Variants in ABCA7 observed in about 807,000 individuals in gnomAD.
The protein encoded by ABCA7 is ATP binding cassette subfamily A member 7, also known as phospholipid-transporting ATPase ABCA7.
Under a neutral mutation model 227.6 loss-of-function variants are expected in ABCA7, and 261 were observed. That is an observed-to-expected ratio of 1.15 (90% CI 1.04 to 1.27). ABCA7 has a LOEUF of 1.27. Ranked by LOEUF, ABCA7 falls within the 50% of genes most tolerant of loss-of-function variation. The pLI is 0.00. For missense variants in ABCA7, 3,331 were observed against 2,924.5 expected (o/e 1.14, Z -3.21); for synonymous variants, 1,488 against 1,279.7 (o/e 1.16, Z -3.47).
chr19:1,048,808 CAAAAAAA>C, intron 16 of ABCA7, 80 bp from the exon 17 acceptor site: 1 of 495,390 alleles, frequency 2.0e-6, no homozygotes, highest in East Asian at 4.0e-5. Context: ...GACTCCGTCT[CAAAAAAA>C]AAAAAAAACA....
At position 1,054,516 on chromosome 19, in the gene ABCA7, G is replaced by A. The variant is rs2042068843; in HGVS notation, c.3727-54G>A. The A allele has an allele frequency of 7.6e-6, 12 of 1,588,694 alleles. No homozygotes were observed. Among genetic ancestry groups the A allele is most frequent in the Non-Finnish European group, 8.6e-6 (10 of 1,165,338 alleles). On this transcript the variant is annotated intron_variant, in intron 27 of 46. Coordinates refer to ENST00000263094, the MANE Select transcript of ABCA7 (RefSeq NM_019112.4). This position sits in a 1 kb window ranked among gnomAD's most constrained non-coding sequence, Gnocchi z 4.8. ...TTGTAGAGCAGGAGCAGGGACAGGT[G>A]CAAGCAAGCCTGGAGGGTGGATGGA...
intron 45 of ABCA7, chr19:1,064,675 C>A: frequency 1.7e-6 from 1 of 574,478 alleles, no homozygotes; most frequent in South Asian, 2.6e-5. Context: ...GGGGTGATAG[C>A]TTCGAGAGCA....
chr19:1,042,970 C>G, intron 7 of ABCA7, 71 bp from the exon 8 acceptor site: 1 of 1,527,908 alleles, frequency 6.5e-7, no homozygotes. Flanking sequence ...CTGCCCCTGG[C>G]CCAGTGCCCT....
At position 1,042,778 on chromosome 19, in the gene ABCA7, G is replaced by A. The variant is rs2040189105; in HGVS notation, c.531G>A (p.Gln177=). 6.2e-7 allele frequency: 1 copy of A among 1,613,286 alleles called. No individual in the cohort carries two copies. The highest frequency in any genetic ancestry group is 8.5e-7 in the Non-Finnish European group (1 of 1,179,948). ...ESLGLALGQA[Q]EPLHSLLEAA... ...TGGGGTTGGCACTGGGCCAAGCCCA[G>A]GAGCCCTTGCACAGCTTGTTGGAGG... Residue 177 remains glutamine, a synonymous_variant, in exon 7 of 47, where the codon CAG becomes CAA. Coordinates refer to ENST00000263094, the MANE Select transcript of ABCA7 (RefSeq NM_019112.4).
rs146321866 is a variant in ABCA7, at chr19:1,051,167, C to T, written c.2697C>T (p.Asp899=). The T allele has an allele frequency of 2.5e-5, 41 of 1,611,190 alleles. 1 individual carries two copies. In the African/African-American group the frequency reaches 4.4e-4, roughly 17 times the overall value. ...GCACTGGCCGCAGGCTGACCGTGGACGAGCACGTCTGGTTCTATGGGCGGC... is the reference window on the plus strand; with the variant it reads ...GCACTGGCCGCAGGCTGACCGTGGATGAGCACGTCTGGTTCTATGGGCGGC... The part of the protein sequence containing the change: ...YNVLFDMLTV[D]EHVWFYGRLK... Residue 899 remains aspartate, a synonymous_variant, in exon 20 of 47, where the codon GAC becomes GAT. Coordinates refer to ENST00000263094, the MANE Select transcript of ABCA7 (RefSeq NM_019112.4).
intron 37 of ABCA7, 69 bp from the exon 38 acceptor site, chr19:1,058,549 G>T (rs2042438104): frequency 1.3e-6 from 2 of 1,594,222 alleles, no homozygotes; most frequent in South Asian, 1.1e-5. Context: ...AATCCAGAGT[G>T]ACATGGATGG....
chr19:1,049,191 C>A, intron 17 of ABCA7, 75 bp from the exon 18 acceptor site: 1 of 1,493,146 alleles, frequency 6.7e-7, no homozygotes. Flanking sequence ...CCGGATTCCA[C>A]AGCCCAGCTC....
In ABCA7 at chr19:1,058,771, T is replaced by C. The variant is rs747288329; in HGVS notation, c.5279+24T>C. The C allele has an allele frequency of 3.1e-6, 5 of 1,607,410 alleles. No individual in the cohort carries two copies. In the South Asian group the frequency reaches 5.5e-5, roughly 18 times the overall value. ...CAGTTAGTGAGGTCTATGGAGAGGGTGGCAGGGGCCAAGGACCTACTTTAA... is the reference window on the plus strand; with the variant it reads ...CAGTTAGTGAGGTCTATGGAGAGGGCGGCAGGGGCCAAGGACCTACTTTAA... On this transcript the variant is annotated intron_variant, in intron 38 of 46. Transcript: ENST00000263094.
rs1185268303 is a variant in ABCA7 at position 1,064,261 on chromosome 19, G to C, written c.6044+8G>C. On this transcript the variant is annotated splice_region_variant and intron_variant, in intron 45 of 46. Transcript: ENST00000263094. ...GCAACATCTCAAGGGCAGGTGAGCC[G>C]GCGCGGCCTCCAGGCAGGTGTGGGG... 12 of 1,551,988 alleles carry C rather than the reference G, an allele frequency of 7.7e-6. No individual in the cohort carries two copies. The highest frequency in any genetic ancestry group is 1.0e-5 in the Non-Finnish European group (12 of 1,149,448).
Position 1,052,137 on chromosome 19 carries a change from G to A in ABCA7, c.3147+11G>A, listed in dbSNP as rs759211033. The A allele has an allele frequency of 3.1e-6, 5 of 1,611,492 alleles. No homozygotes were observed. The highest frequency in any genetic ancestry group is 1.7e-6 in the Non-Finnish European group (2 of 1,179,472). ...ACCACCAATGAGAAGGTGGGGACCG[G>A]CCTTCTCCTGACCCCTGACCCCCGG... On this transcript the variant is annotated intron_variant, in intron 22 of 46. Coordinates refer to ENST00000263094, the MANE Select transcript of ABCA7 (RefSeq NM_019112.4).
Position 1,063,472 on chromosome 19 carries a change from C to T in ABCA7, c.5713-72C>T, listed in dbSNP as rs1238536478. 9.0e-6 allele frequency: 14 copies of T among 1,559,508 alleles called. No homozygotes were observed. In the Admixed American group the frequency reaches 1.4e-4, roughly 16 times the overall value. On this transcript the variant is annotated intron_variant, in intron 42 of 46. Coordinates refer to ENST00000263094, the MANE Select transcript of ABCA7 (RefSeq NM_019112.4). ...CCCCTGCTCCACACTCAATGCTGGC[C>T]CCGCCACACTGTGGCCCTGCCCCAT...
At chr19:1,061,560 A>C (rs2042656928) in intron 40 of ABCA7, among the ~76,000 whole-genome samples, 1 of 150,648 alleles carries the variant, frequency 6.6e-6, no homozygotes, top group Admixed American at 6.6e-5. Flanking sequence ...TTAGCTGGGC[A>C]TGGTGGCAGG....
chr19:1,054,191 A>G lies in ABCA7; in HGVS notation c.3578-2A>G, dbSNP rs376824416. 172 of 1,609,890 alleles carry G rather than the reference A, an allele frequency of 1.1e-4. No homozygotes were observed. Among genetic ancestry groups the G allele is most frequent in the Admixed American group, 1.5e-4 (9 of 59,762 alleles). On this transcript the variant is annotated splice_acceptor_variant, in intron 26 of 46. Transcript: ENST00000263094. LOFTEE classifies it high-confidence loss of function. The surrounding 1 kb of genome is among the most constrained non-coding windows in gnomAD (Gnocchi z 4.8). ...GAGCACTGACCCTCTCATCCCTCAC[A>G]GCTGGGTCAGCCCCAGAGACTGACC...
At chr19:1,061,909 TCAGGGTGGGG>T (rs761436641) in intron 41 of ABCA7, 21 bp downstream of exon 41, 3 of 1,555,024 alleles carry the variant, frequency 1.9e-6, no homozygotes, top group Non-Finnish European at 2.6e-6. Context: ...CCAGGTAGGG[TCAGGGTGGGG>T]CAGGGTTGGC....
chr19:1,047,882 G>C (rs1427043222), intron 16 of ABCA7, among the ~76,000 whole-genome samples: 1 of 152,212 alleles, frequency 6.6e-6, no homozygotes, highest in South Asian at 2.1e-4. Context: ...CTGATTCCAG[G>C]TGTATGGCCA....
chr19:1,047,087 G>A, intron 14 of ABCA7, 63 bp downstream of exon 14: 1 of 1,552,932 alleles, frequency 6.4e-7, no homozygotes, highest in Non-Finnish European at 8.7e-7. Flanking sequence ...AGACAGGGGC[G>A]GCCCCACGTG....
Position 1,048,012 on chromosome 19 carries a change from G to A in ABCA7, c.2269+358G>A, listed in dbSNP as rs531276581. 4.6e-5 allele frequency among the ~76,000 whole-genome samples: 7 copies of A among 151,800 alleles called. No individual in the cohort carries two copies. The East Asian group carries it at 9.8e-4, about 21-fold the overall frequency. On this transcript the variant is annotated intron_variant, in intron 16 of 46. Transcript: ENST00000263094. ...GAGACCAGGCTGGGCAATATAGTGA[G>A]ACCTCATCAATACAAAAAGTTAGCT...
At chr19:1,040,897 G>C (rs1184471873) in intron 1 of ABCA7, among the ~76,000 whole-genome samples, 2 of 152,106 alleles carry the variant, frequency 1.3e-5, no homozygotes, top group South Asian at 2.1e-4. Flanking sequence ...GCCAATATTC[G>C]TTGCTGTTAT....
rs2042460329 is a variant in ABCA7, at chr19:1,058,861, A to G, written c.5321A>G (p.Glu1774Gly). ...RSLPLLGEED[E>G]DVARERERVV... ...CTGCCACTCCTGGGAGAGGAGGACGAGGATGTAGCCCGTGAACGGGAGCGG... is the reference window on the plus strand; with the variant it reads ...CTGCCACTCCTGGGAGAGGAGGACGGGGATGTAGCCCGTGAACGGGAGCGG... Residue 1774 changes from glutamate (E) to glycine (G), a missense_variant, in exon 39 of 47, where the codon GAG becomes GGG. Glu to Gly is a moderately conservative substitution (Grantham distance 98). Coordinates refer to ENST00000263094, the MANE Select transcript of ABCA7 (RefSeq NM_019112.4). The G allele has an allele frequency of 6.3e-7, 1 of 1,577,814 alleles. No homozygotes were observed. Among genetic ancestry groups the G allele is most frequent in the Non-Finnish European group, 8.6e-7 (1 of 1,158,810 alleles).
Sources: gnomAD v4.1 joint callset for allele counts (sites outside exome capture counted in the v4.1 genomes callset) on GRCh38, gnomAD v4.1.1 for gene constraint, Gnocchi (gnomAD v3.1) non-coding constraint, MANE v1.5 for transcripts, NCBI Gene and HGNC (gene_info 2026-07-23, HGNC 2026-07-21) for gene names.